The following DLGAP1 variants were observed in gnomAD, a reference collection of about 807,000 sequenced individuals.
DLGAP1 encodes the protein DLG associated protein 1.
A neutral mutation model predicts 90.8 loss-of-function variants in DLGAP1; 11 were observed. That is an observed-to-expected ratio of 0.12 (90% CI 0.08 to 0.20). The LOEUF is 0.20. Ranked by LOEUF, DLGAP1 falls within the 10% of genes least tolerant of loss-of-function variation. DLGAP1 has a pLI of 1.00. For missense variants in DLGAP1, 1,050 were observed against 1,333.8 expected, an observed-to-expected ratio of 0.79 and a Z score of 3.31; for synonymous variants, 558 against 540.7, an observed-to-expected ratio of 1.03 and a Z score of -0.44.
chr18:4,090,043 TA>T (rs926141060), intron 2 of DLGAP1, among the ~76,000 whole-genome samples: 7 of 150,528 alleles, frequency 4.7e-5, no homozygotes, highest in African/African-American at 7.3e-5. Flanking sequence ...GGACTCCGTC[TA>T]AAAAAAAAGA....
intron 3 of DLGAP1, among the ~76,000 whole-genome samples, chr18:3,911,411 A>C (rs1023911682): frequency 6.6e-6 from 1 of 152,366 alleles, no homozygotes; most frequent in South Asian, 2.1e-4. Context: ...TTATTTAAAG[A>C]AAGTTTCTTC....
chr18:3,978,187 G>A (rs1406035957), intron 3 of DLGAP1: 12 of 422,704 alleles, frequency 2.8e-5, no homozygotes, highest in Middle Eastern at 8.5e-4. Flanking sequence ...CACAGGAGGC[G>A]TTGCCGATGA....
chr18:4,428,017 C>T (rs1191236477), intron 1 of DLGAP1, among the ~76,000 whole-genome samples: 4 of 152,304 alleles, frequency 2.6e-5, no homozygotes, highest in East Asian at 1.9e-4. Context: ...TAACTTTGGG[C>T]ACTCACTGGA....
At chr18:3,914,746 T>C (rs1372412135) in intron 3 of DLGAP1, among the ~76,000 whole-genome samples, 2 of 152,194 alleles carry the variant, frequency 1.3e-5, no homozygotes, top group Non-Finnish European at 2.9e-5. Flanking sequence ...ATTCTTTTGA[T>C]AATAGCCATG....
chr18:3,626,929 T>C (rs998783755), intron 7 of DLGAP1, among the ~76,000 whole-genome samples: 14 of 152,056 alleles, frequency 9.2e-5, no homozygotes, highest in African/African-American at 3.1e-4. Context: ...TATTTGAAGC[T>C]AAGACTGTGG....
At chr18:4,328,697 A>G (rs2080880259) in intron 1 of DLGAP1, among the ~76,000 whole-genome samples, 1 of 151,934 alleles carries the variant, frequency 6.6e-6, no homozygotes, top group Non-Finnish European at 1.5e-5. Context: ...CATCCTCACT[A>G]TCATTTATTA....
intron 1 of DLGAP1, among the ~76,000 whole-genome samples, chr18:4,302,792 T>C (rs1296291260): frequency 6.6e-6 from 1 of 152,204 alleles, no homozygotes; most frequent in Non-Finnish European, 1.5e-5. Flanking sequence ...ACTGAATCTA[T>C]AGGTCACATT....
chr18:3,786,334 C>CGAT (rs1388237959), intron 5 of DLGAP1, among the ~76,000 whole-genome samples: 3 of 151,972 alleles, frequency 2.0e-5, no homozygotes, highest in Admixed American at 1.3e-4. Flanking sequence ...TTTATGATGA[C>CGAT]GATGATGATG....
At chr18:3,760,469 A>G (rs1040160507) in intron 5 of DLGAP1, among the ~76,000 whole-genome samples, 4 of 152,172 alleles carry the variant, frequency 2.6e-5, no homozygotes, top group Non-Finnish European at 5.9e-5. Context: ...TAATACTTCA[A>G]TGTGCCTAGC....
intron 2 of DLGAP1, among the ~76,000 whole-genome samples, chr18:4,059,189 T>C (rs2075265020): frequency 6.6e-6 from 1 of 152,170 alleles, no homozygotes; most frequent in African/African-American, 2.4e-5. Flanking sequence ...GTAAGACTGG[T>C]TCATTCCAGA....
chr18:4,290,723 G>T (rs2145504014), intron 1 of DLGAP1, among the ~76,000 whole-genome samples: 1 of 152,214 alleles, frequency 6.6e-6, no homozygotes, highest in Non-Finnish European at 1.5e-5. Flanking sequence ...CAGATTTTTT[G>T]GGGTTACAGT....
intron 4 of DLGAP1, among the ~76,000 whole-genome samples, chr18:3,837,574 C>T (rs552584701): frequency 4.6e-5 from 7 of 152,126 alleles, no homozygotes; most frequent in African/African-American, 7.2e-5. Context: ...AAAGGCTGGG[C>T]GCAGTGGCTC....
intron 3 of DLGAP1, among the ~76,000 whole-genome samples, chr18:3,884,973 C>T (rs1353851176): frequency 6.6e-6 from 1 of 152,182 alleles, no homozygotes; most frequent in East Asian, 1.9e-4. Flanking sequence ...ACAAATCTTA[C>T]ACTCTCTTCT....
intron 7 of DLGAP1, among the ~76,000 whole-genome samples, chr18:3,697,978 T>G (rs1269961066): frequency 6.6e-6 from 1 of 152,210 alleles, no homozygotes; most frequent in Non-Finnish European, 1.5e-5. Flanking sequence ...TGGCTTAAAG[T>G]CTGTTTTATC....
chr18:3,870,343 A>C (rs895238307), intron 4 of DLGAP1, among the ~76,000 whole-genome samples: 1 of 152,232 alleles, frequency 6.6e-6, no homozygotes, highest in Non-Finnish European at 1.5e-5. Flanking sequence ...TATTGTGCCC[A>C]TATGTACCCG....
chr18:4,185,340 G>A (rs112038288), intron 1 of DLGAP1, among the ~76,000 whole-genome samples: 3,454 of 151,450 alleles, frequency 0.023, 127 homozygotes, highest in African/African-American at 0.078. Context: ...GCGTCATGGG[G>A]GTTTGTTGTA....
At chr18:4,284,787 G>A (rs943792987) in intron 1 of DLGAP1, among the ~76,000 whole-genome samples, 2 of 152,096 alleles carry the variant, frequency 1.3e-5, no homozygotes, top group Non-Finnish European at 2.9e-5. Context: ...TTGTATGCAT[G>A]GCTATCAAAA....
chr18:4,093,994 G>A (rs2075630915), intron 2 of DLGAP1, among the ~76,000 whole-genome samples: 1 of 152,080 alleles, frequency 6.6e-6, no homozygotes, highest in East Asian at 1.9e-4. Context: ...AATTTTTTAA[G>A]AGCACAAAGT....
chr18:4,382,193 C>T (rs779647362), intron 1 of DLGAP1, among the ~76,000 whole-genome samples: 3 of 152,218 alleles, frequency 2.0e-5, no homozygotes, highest in South Asian at 2.1e-4. Context: ...CCCAGTACAG[C>T]GGAATGGCTA....
Sources: gnomAD v4.1 joint callset for allele counts (sites outside exome capture counted in the v4.1 genomes callset) on GRCh38, gnomAD v4.1.1 for gene constraint, MANE v1.5 for transcripts, NCBI Gene and HGNC (gene_info 2026-07-23, HGNC 2026-07-21) for gene names.